The following MTO1 variants were observed in gnomAD, a reference collection of about 807,000 sequenced individuals.
MTO1 encodes the protein mitochondrial tRNA translation optimization 1.
In MTO1, 46 loss-of-function variants were observed where a neutral mutation model predicts 71.6. The ratio of observed to expected loss-of-function variants is 0.64; its 90% CI spans 0.51 to 0.82. The LOEUF (loss-of-function observed/expected upper bound fraction) is 0.82, where lower values mean the gene tolerates loss of function less well. Ranked by LOEUF, MTO1 falls within the 40% of genes least tolerant of loss-of-function variation. The pLI is 0.00. For missense variants in MTO1, 773 were observed against 867.5 expected, an observed-to-expected ratio of 0.89 and a Z score of 1.37; for synonymous variants, 297 against 312.1, an observed-to-expected ratio of 0.95 and a Z score of 0.51.
rs1435166400 is a variant in MTO1, at chr6:73,479,800, C to A, written c.894C>A (p.Asn298Lys). ...GAGTGGATGAGATTGTCCTTAAGAA[C>A]CTTCACCTTAATAGTCATGTTAAAG... Reference protein sequence around the residue: ...NPRVDEIVLKNLHLNSHVKET... With the variant: ...NPRVDEIVLKKLHLNSHVKET... The change falls in exon 5 of 12, where the codon AAC becomes AAA. Residue 298 changes from asparagine to lysine, a missense_variant. Transcript: ENST00000498286. 1 of 1,614,000 alleles carries A rather than the reference C, an allele frequency of 6.2e-7. No homozygotes were observed. The highest frequency in any genetic ancestry group is 2.2e-5 in the East Asian group (1 of 44,862).
intron 11 of MTO1, among the ~76,000 whole-genome samples, chr6:73,499,413 T>G (rs1772091890): frequency 1.3e-5 from 2 of 151,622 alleles, no homozygotes. Context: ...TCCCAGCTAC[T>G]TGGGAGGCTG....
Position 73,482,206 on chromosome 6 carries a change from T to G in MTO1, c.1427T>G (p.Leu476Arg). Reference sequence around the variant, plus strand: ...AGCCGAGTAGAGTTCCGTTTGTCACTGCGCCCTGATAATGCTGACAGCCGG... The same window carrying G: ...AGCCGAGTAGAGTTCCGTTTGTCACGGCGCCCTGATAATGCTGACAGCCGG... Reference protein sequence around the residue: ...FTSRVEFRLSLRPDNADSRLT... With the variant: ...FTSRVEFRLSRRPDNADSRLT... The change falls in exon 8 of 12, where the codon CTG becomes CGG. Residue 476 changes from leucine (L) to arginine (R), a missense_variant. Transcript: ENST00000498286. 2 of 1,614,188 alleles carry G rather than the reference T, an allele frequency of 1.2e-6. No individual in the cohort carries two copies. Among genetic ancestry groups the G allele is most frequent in the Non-Finnish European group, 1.7e-6 (2 of 1,180,036 alleles).
rs559115908 is a variant in MTO1, at chr6:73,476,571, C to T, written c.825+2917C>T. On this transcript the variant is annotated intron_variant, in intron 4 of 11. Transcript: ENST00000498286. ...ACTGTTAATATTTTACCATATTTAT[C>T]GCTATAGATATATCAATTTATGTCC... 3.3e-5 allele frequency among the ~76,000 whole-genome samples: 5 copies of T among 152,044 alleles called. No individual in the cohort carries two copies. In the South Asian group the frequency reaches 8.3e-4, roughly 25 times the overall value.
At position 73,470,775 on chromosome 6, in the gene MTO1, G is replaced by A. The variant is rs1351096871; in HGVS notation, c.536-2590G>A. ...TTGAGACCAGTCTGGCCAACATGGC[G>A]AAACTCGTCTCTACTAAAAATACAA... On this transcript the variant is annotated intron_variant, in intron 3 of 11. Transcript: ENST00000498286. Among the ~76,000 whole-genome samples, 5 of 152,050 alleles carry A rather than the reference G, an allele frequency of 3.3e-5. No homozygotes were observed. In the East Asian group the frequency reaches 7.7e-4, roughly 23 times the overall value.
In MTO1 at chr6:73,504,230, C is replaced by G. The variant is rs1387424308; in HGVS notation, c.*3495C>G. The G allele has an allele frequency of 6.6e-6, 1 of 152,314 alleles. No individual in the cohort carries two copies. Among genetic ancestry groups the G allele is most frequent in the Non-Finnish European group, 1.5e-5 (1 of 68,134 alleles). 9.4% of individuals were successfully genotyped at this position (152,314 alleles called of 1,614,324 possible). On this transcript the variant is annotated 3_prime_UTR_variant, in exon 12 of 12. Coordinates refer to ENST00000498286, the MANE Select transcript of MTO1 (RefSeq NM_012123.4). ...CACTGCAGCCTCAACCTCCCTGGCT[C>G]TAGCTATTCTCCCATCTCAGCCCTC...
intron 1 of MTO1, among the ~76,000 whole-genome samples, chr6:73,465,752 C>T (rs184946697): frequency 5.9e-4 from 90 of 152,088 alleles, no homozygotes; most frequent in Non-Finnish European, 1.1e-3. Context: ...TCTGGGAGGC[C>T]GAGGTGGGCA....
At chr6:73,494,266 A>C (rs1771919775) in intron 10 of MTO1, among the ~76,000 whole-genome samples, 2 of 152,082 alleles carry the variant, frequency 1.3e-5, no homozygotes, top group African/African-American at 4.8e-5. Context: ...TACTGAGAAT[A>C]ATATTGGCTT....
Position 73,466,559 on chromosome 6 carries a change from C to T in MTO1, c.488C>T (p.Pro163Leu). ...GTAGAAGATCTTATTCTTACAGAACCAGAGCCTGAACACACTGGGAAATGC... is the reference window on the plus strand; with the variant it reads ...GTAGAAGATCTTATTCTTACAGAACTAGAGCCTGAACACACTGGGAAATGC... ...GAVEDLILTE[P>L]EPEHTGKCRV... The change falls in exon 3 of 12, where the codon CCA becomes CTA. Residue 163 changes from proline (P) to leucine (L), a missense_variant. Coordinates refer to ENST00000498286, the MANE Select transcript of MTO1 (RefSeq NM_012123.4). 1 of 1,614,138 alleles carries T rather than the reference C, an allele frequency of 6.2e-7. No homozygotes were observed. The highest frequency in any genetic ancestry group is 1.7e-5 in the Admixed American group (1 of 59,998).
At chr6:73,479,887 G>A (rs1188691937) in intron 5 of MTO1, 43 bp downstream of exon 5, 29 of 1,603,026 alleles carry the variant, frequency 1.8e-5, no homozygotes, top group East Asian at 6.7e-5. Context: ...AAGGAATGAC[G>A]TCAATCCTCT....
intron 11 of MTO1, 139 bp from the exon 12 acceptor site, chr6:73,500,434 AT>A: frequency 1.6e-6 from 1 of 627,148 alleles, no homozygotes; most frequent in Non-Finnish European, 2.4e-6. Context: ...TTACAAGGAA[AT>A]ATGTTAAGAT....
rs1321217278 is a variant in MTO1, at chr6:73,474,066, G to T, written c.825+412G>T. ...CTCCCAAAGTGCTGGGATTGCAGGT[G>T]TAAACCACCGAACCCAGCCAAAGAA... On this transcript the variant is annotated intron_variant, in intron 4 of 11. Transcript: ENST00000498286. 4.6e-5 allele frequency among the ~76,000 whole-genome samples: 7 copies of T among 150,838 alleles called. No homozygotes were observed. The East Asian group carries it at 1.4e-3, about 30-fold the overall frequency.
intron 3 of MTO1, among the ~76,000 whole-genome samples, chr6:73,470,268 G>C (rs144203294): frequency 0.011 from 1,607 of 151,894 alleles, 25 homozygotes; most frequent in African/African-American, 0.037. Context: ...GTGCAATGGC[G>C]TGATCTCGGC....
rs1772182469 is a variant in MTO1 at position 73,502,319 on chromosome 6, C to G, written c.*1584C>G. ...ATTAGCCAGGCGTGGTGGAGCAAGC[C>G]TGTAGTCCCAGCTACTCAGGAGGCT... On this transcript the variant is annotated 3_prime_UTR_variant, in exon 12 of 12. Coordinates refer to ENST00000498286, the MANE Select transcript of MTO1 (RefSeq NM_012123.4). The G allele has an allele frequency of 6.6e-6, 1 of 152,240 alleles. No individual in the cohort carries two copies. The highest frequency in any genetic ancestry group is 2.1e-4 in the South Asian group (1 of 4,828). 9.4% of individuals were successfully genotyped at this position (152,240 alleles called of 1,614,324 possible).
rs756073576 is a variant in MTO1, at chr6:73,461,905, G to C, written c.51G>C (p.Lys17Asn). ...GTTGGGTCGCGGTTTCCTTCACCAA[G>C]CAGCAATTTCCGTTGGCACGGTTGA... ...CGRWVAVSFT[K>N]QQFPLARLSS... The change falls in exon 1 of 12, where the codon AAG becomes AAC. Residue 17 changes from lysine (K) to asparagine (N), a missense_variant. Lys to Asn is a moderately conservative substitution (Grantham distance 94). Coordinates refer to ENST00000498286, the MANE Select transcript of MTO1 (RefSeq NM_012123.4). 2 of 1,614,220 alleles carry C rather than the reference G, an allele frequency of 1.2e-6. No homozygotes were observed. Among genetic ancestry groups the C allele is most frequent in the South Asian group, 2.2e-5 (2 of 91,090 alleles).
At chr6:73,497,400 C>T (rs1397558665) in intron 10 of MTO1, among the ~76,000 whole-genome samples, 1 of 151,896 alleles carries the variant, frequency 6.6e-6, no homozygotes, top group South Asian at 2.1e-4. Flanking sequence ...ACTATCCACC[C>T]GCCTTGGCCT....
At chr6:73,485,441 C>CTTTTT (rs1234020094) in intron 9 of MTO1, among the ~76,000 whole-genome samples, 1 of 142,132 alleles carries the variant, frequency 7.0e-6, no homozygotes, top group Admixed American at 7.1e-5. Flanking sequence ...TTCTTTCTTT[C>CTTTTT]TTTTTTTTTT....
intron 9 of MTO1, among the ~76,000 whole-genome samples, chr6:73,491,604 G>T (rs996719037): frequency 2.0e-5 from 3 of 152,120 alleles, no homozygotes. Context: ...ACTTAACATG[G>T]CTTAGATGTA....
chr6:73,469,796 G>A (rs963242800), intron 3 of MTO1, among the ~76,000 whole-genome samples: 5 of 152,026 alleles, frequency 3.3e-5, no homozygotes, highest in African/African-American at 1.2e-4. Context: ...ACCTGAGGTT[G>A]GGAGTTGAAG....
Position 73,461,908 on chromosome 6 carries a change from G to C in MTO1, c.54G>C (p.Gln18His). Residue 18 changes from glutamine (Q) to histidine (H), a missense_variant, in exon 1 of 12, where the codon CAG becomes CAC. Coordinates refer to ENST00000498286, the MANE Select transcript of MTO1 (RefSeq NM_012123.4). Reference sequence around the variant, plus strand: ...GGGTCGCGGTTTCCTTCACCAAGCAGCAATTTCCGTTGGCACGGTTGAGCA... The same window carrying C: ...GGGTCGCGGTTTCCTTCACCAAGCACCAATTTCCGTTGGCACGGTTGAGCA... ...GRWVAVSFTK[Q>H]QFPLARLSSD... 3 of 1,614,222 alleles carry C rather than the reference G, an allele frequency of 1.9e-6. No individual in the cohort carries two copies. Among genetic ancestry groups the C allele is most frequent in the Non-Finnish European group, 1.7e-6 (2 of 1,180,016 alleles).
Sources: allele counts gnomAD v4.1 joint callset (sites outside exome capture counted in the v4.1 genomes callset), GRCh38; gene constraint gnomAD v4.1.1; transcripts MANE v1.5; gene names NCBI Gene and HGNC (gene_info 2026-07-23, HGNC 2026-07-21).